Variants in RBFOX1 observed in about 807,000 individuals in gnomAD.
RBFOX1 encodes the protein RNA binding fox-1 homolog 1, also known as RNA binding protein fox-1 homolog 1.
A neutral mutation model predicts 57.7 loss-of-function variants in RBFOX1; 8 were observed. That is an observed-to-expected ratio of 0.14 (90% CI 0.08 to 0.25). The LOEUF is 0.25. Among genes scored for constraint, RBFOX1 ranks in the 10% least tolerant of loss-of-function variants. The pLI, the probability that RBFOX1 is intolerant of heterozygous loss-of-function variation, is 1.00. For missense variants in RBFOX1, 611 were observed against 548.5 expected, an observed-to-expected ratio of 1.11 and a Z score of -1.14; for synonymous variants, 326 against 222.4, an observed-to-expected ratio of 1.47 and a Z score of -4.15.
intron 4 of RBFOX1, among the ~76,000 whole-genome samples, chr16:6,001,456 G>A (rs548740254): frequency 4.0e-4 from 61 of 152,254 alleles, no homozygotes; most frequent in African/African-American, 1.4e-3. Flanking sequence ...GACTTTGCTC[G>A]AATTACAGAA....
At chr16:5,974,931 C>T (rs772512262) in intron 4 of RBFOX1, among the ~76,000 whole-genome samples, 6 of 152,110 alleles carry the variant, frequency 3.9e-5, no homozygotes, top group Middle Eastern at 3.2e-3. Context: ...TTGCTGGAAC[C>T]TAGGAGACGG....
intron 4 of RBFOX1, among the ~76,000 whole-genome samples, chr16:5,975,515 C>G (rs2060044545): frequency 6.6e-6 from 1 of 152,144 alleles, no homozygotes; most frequent in Non-Finnish European, 1.5e-5. Flanking sequence ...GCATTTGAAA[C>G]TTTAGGGTCC....
intron 3 of RBFOX1, among the ~76,000 whole-genome samples, chr16:6,831,488 T>A (rs2092705768): frequency 6.6e-6 from 1 of 152,228 alleles, no homozygotes. Context: ...ATATATCATT[T>A]ACTTAGCCTA....
chr16:5,426,039 C>T (rs913291602), intron 1 of RBFOX1, among the ~76,000 whole-genome samples: 3 of 152,128 alleles, frequency 2.0e-5, no homozygotes, highest in Non-Finnish European at 4.4e-5. Context: ...GGAAACGGAA[C>T]CCAAAACACA....
intron 4 of RBFOX1, among the ~76,000 whole-genome samples, chr16:7,418,949 G>T (rs2098512061): frequency 1.3e-5 from 2 of 152,144 alleles, no homozygotes; most frequent in Non-Finnish European, 2.9e-5. Flanking sequence ...CTGTCACCCA[G>T]GTTGGAGTGC....
At chr16:6,941,492 A>T (rs898592967) in intron 3 of RBFOX1, among the ~76,000 whole-genome samples, 11 of 151,996 alleles carry the variant, frequency 7.2e-5, no homozygotes, top group Admixed American at 4.6e-4. Flanking sequence ...CTTTTGATCT[A>T]TTCTTTCTTC....
At chr16:6,706,988 A>T (rs963784677) in intron 3 of RBFOX1, among the ~76,000 whole-genome samples, 7 of 152,132 alleles carry the variant, frequency 4.6e-5, no homozygotes, top group Non-Finnish European at 1.0e-4. Context: ...TTACTGACAA[A>T]TGTGGAACAG....
At chr16:5,951,796 AAAGTT>A (rs1227545707) in intron 4 of RBFOX1, among the ~76,000 whole-genome samples, 6 of 151,446 alleles carry the variant, frequency 4.0e-5, no homozygotes, top group Non-Finnish European at 7.4e-5. Flanking sequence ...TTAAAAGTTA[AAAGTT>A]AAAGTTGTTA....
rs181619312 is a variant in RBFOX1 at position 5,782,786 on chromosome 16, T to G, written c.319-84517T>G. 8.9e-4 allele frequency among the ~76,000 whole-genome samples: 136 copies of G among 152,318 alleles called. 1 individual carries two copies. The highest frequency in any genetic ancestry group is 3.5e-3 in the Admixed American group (53 of 15,298). On this transcript the variant is annotated intron_variant, in intron 3 of 19. Transcript: ENST00000641259. ...TGAAAACAGGTGGTATAATTCAGCC[T>G]AAGTCAAAAGACCCAAACCAGGGAA...
At chr16:6,256,438 A>G (rs1203822257) in intron 1 of RBFOX1, among the ~76,000 whole-genome samples, 1 of 151,226 alleles carries the variant, frequency 6.6e-6, no homozygotes, top group Non-Finnish European at 1.5e-5. Flanking sequence ...CTTCGAGAGC[A>G]GAGTTCATCC....
At chr16:6,509,271 A>G (rs569620230) in intron 2 of RBFOX1, among the ~76,000 whole-genome samples, 9 of 152,270 alleles carry the variant, frequency 5.9e-5, no homozygotes, top group African/African-American at 1.7e-4. Context: ...TGAGCTCCTT[A>G]TATATTCTGG....
chr16:7,591,921 G>A (rs576359630), intron 7 of RBFOX1, among the ~76,000 whole-genome samples: 1 of 152,282 alleles, frequency 6.6e-6, no homozygotes, highest in East Asian at 1.9e-4. Context: ...AGGTTGCCTG[G>A]CACCTGTGCA....
intron 1 of RBFOX1, among the ~76,000 whole-genome samples, chr16:6,207,794 C>T (rs1440101802): frequency 6.6e-6 from 1 of 151,962 alleles, no homozygotes; most frequent in East Asian, 1.9e-4. Context: ...CTCAGGGGAT[C>T]CTCCTACCTC....
intron 3 of RBFOX1, among the ~76,000 whole-genome samples, chr16:6,955,163 C>T (rs1438098327): frequency 6.6e-6 from 1 of 151,918 alleles, no homozygotes; most frequent in Non-Finnish European, 1.5e-5. Context: ...ATCAGTTGAG[C>T]CTGGGACTGA....
At chr16:6,928,932 A>G (rs1039576553) in intron 3 of RBFOX1, among the ~76,000 whole-genome samples, 3 of 152,126 alleles carry the variant, frequency 2.0e-5, no homozygotes, top group Admixed American at 2.0e-4. Context: ...GGGGGCTTCA[A>G]GTCCCCAAAG....
chr16:6,365,575 G>A (rs1164094006), intron 2 of RBFOX1, among the ~76,000 whole-genome samples: 1 of 152,182 alleles, frequency 6.6e-6, no homozygotes, highest in South Asian at 2.1e-4. Context: ...CTGGGGAGGG[G>A]CACTGGGGTG....
At chr16:6,366,295 A>T (rs568522828) in intron 2 of RBFOX1, among the ~76,000 whole-genome samples, 1 of 152,236 alleles carries the variant, frequency 6.6e-6, no homozygotes, top group African/African-American at 2.4e-5. Flanking sequence ...AGATGTTCTA[A>T]ACTCACCATA....
At chr16:6,518,999 C>T (rs1598743477) in intron 2 of RBFOX1, among the ~76,000 whole-genome samples, 1 of 151,930 alleles carries the variant, frequency 6.6e-6, no homozygotes, top group Non-Finnish European at 1.5e-5. Flanking sequence ...GAAATATTTT[C>T]TCAGTGGGCT....
intron 4 of RBFOX1, among the ~76,000 whole-genome samples, chr16:7,072,081 C>T (rs115132729): frequency 0.01 from 1,543 of 152,274 alleles, 30 homozygotes; most frequent in African/African-American, 0.035. Context: ...CTGACCCGTT[C>T]TCTAGTCTTT....
Sources: allele counts gnomAD v4.1 joint callset (sites outside exome capture counted in the v4.1 genomes callset), GRCh38; gene constraint gnomAD v4.1.1; transcripts MANE v1.5; gene names NCBI Gene and HGNC (gene_info 2026-07-23, HGNC 2026-07-21).